Variants in KCNT2 observed in about 807,000 individuals in gnomAD.
The protein encoded by KCNT2 is potassium channel subfamily T member 2.
In KCNT2, 67 loss-of-function variants were observed where a neutral mutation model predicts 153.8. The ratio of observed to expected loss-of-function variants is 0.44; its 90% CI spans 0.36 to 0.53. The LOEUF (loss-of-function observed/expected upper bound fraction) is 0.53, where lower values mean the gene tolerates loss of function less well. Ranked by LOEUF, KCNT2 falls within the 20% of genes least tolerant of loss-of-function variation. The pLI, the probability that KCNT2 is intolerant of heterozygous loss-of-function variation, is 0.00. For synonymous variants in KCNT2, 500 were observed against 458.8 expected, an observed-to-expected ratio of 1.09 and a Z score of -1.15; for missense variants, 975 against 1,354.8, an observed-to-expected ratio of 0.72 and a Z score of 4.40.
intron 22 of KCNT2, among the ~76,000 whole-genome samples, chr1:196,289,493 A>T (rs116969408): frequency 0.05 from 7,548 of 152,050 alleles, 284 homozygotes; most frequent in Non-Finnish European, 0.071. Flanking sequence ...AAATAAATAA[A>T]TTTTTTCTAC....
intron 8 of KCNT2, among the ~76,000 whole-genome samples, chr1:196,448,537 T>G (rs1005541404): frequency 6.6e-6 from 1 of 151,756 alleles, no homozygotes; most frequent in East Asian, 2.0e-4. Flanking sequence ...TGCCCTCTAC[T>G]GTGTGGCCTG....
intron 8 of KCNT2, among the ~76,000 whole-genome samples, chr1:196,450,488 T>A (rs1463263776): frequency 6.6e-6 from 1 of 151,890 alleles, no homozygotes; most frequent in African/African-American, 2.4e-5. Context: ...CTTTCCAGAT[T>A]CCTTTCCAGA....
chr1:196,547,494 T>C (rs1034719143), intron 1 of KCNT2, among the ~76,000 whole-genome samples: 3 of 152,034 alleles, frequency 2.0e-5, no homozygotes, highest in Non-Finnish European at 2.9e-5. Context: ...CTAATAGCTC[T>C]TCTTGTAAAG....
chr1:196,570,657 T>C (rs559762440), intron 1 of KCNT2, among the ~76,000 whole-genome samples: 22 of 152,204 alleles, frequency 1.4e-4, no homozygotes, highest in Non-Finnish European at 2.6e-4. Context: ...ATTAGGGTGC[T>C]ATACAGAATA....
intron 8 of KCNT2, among the ~76,000 whole-genome samples, chr1:196,458,118 T>C (rs545714977): frequency 1.2e-4 from 19 of 152,006 alleles, no homozygotes; most frequent in African/African-American, 4.1e-4. Flanking sequence ...ATTTTGTTAA[T>C]ATATACAAAA....
chr1:196,467,054 G>T (rs944729842), intron 7 of KCNT2, among the ~76,000 whole-genome samples: 3 of 151,966 alleles, frequency 2.0e-5, no homozygotes, highest in Non-Finnish European at 4.4e-5. Context: ...CTCCCACATA[G>T]AATCTTAGGA....
At chr1:196,363,256 C>T (rs1667773126) in intron 14 of KCNT2, among the ~76,000 whole-genome samples, 1 of 152,034 alleles carries the variant, frequency 6.6e-6, no homozygotes, top group African/African-American at 2.4e-5. Flanking sequence ...TCCATCTTAG[C>T]CCATTAGGAC....
chr1:196,466,237 T>G (rs1295605022), intron 7 of KCNT2, among the ~76,000 whole-genome samples: 1 of 152,044 alleles, frequency 6.6e-6, no homozygotes, highest in Non-Finnish European at 1.5e-5. Context: ...ATAAGTTTAT[T>G]TTTTTCTGGT....
intron 19 of KCNT2, among the ~76,000 whole-genome samples, chr1:196,324,081 A>G (rs1188870272): frequency 6.6e-6 from 1 of 151,916 alleles, no homozygotes; most frequent in Non-Finnish European, 1.5e-5. Context: ...ATATTCGACA[A>G]TACTTTCGGG....
intron 8 of KCNT2, among the ~76,000 whole-genome samples, chr1:196,439,221 T>A (rs981534666): frequency 6.6e-6 from 1 of 152,080 alleles, no homozygotes; most frequent in East Asian, 1.9e-4. Flanking sequence ...TGCCGCAGAA[T>A]AAAAATCCTT....
intron 22 of KCNT2, among the ~76,000 whole-genome samples, chr1:196,303,971 T>C (rs1248670637): frequency 6.6e-6 from 1 of 152,168 alleles, no homozygotes; most frequent in African/African-American, 2.4e-5. Context: ...CAACGTGGCA[T>C]AGTGGAAATT....
chr1:196,370,338 C>A (rs1004499430), intron 14 of KCNT2, among the ~76,000 whole-genome samples: 6 of 152,078 alleles, frequency 3.9e-5, no homozygotes, highest in Non-Finnish European at 8.8e-5. Context: ...AGAATAAACT[C>A]TCTAAAAATA....
chr1:196,374,138 C>A (rs1477276663), intron 13 of KCNT2, among the ~76,000 whole-genome samples: 3 of 151,734 alleles, frequency 2.0e-5, no homozygotes, highest in Admixed American at 6.6e-5. Flanking sequence ...ACAAGTATAG[C>A]TGGTATTAAA....
chr1:196,384,707 C>CAAAAAAA (rs60975976), intron 13 of KCNT2, among the ~76,000 whole-genome samples: 2 of 75,500 alleles, frequency 2.6e-5, no homozygotes, highest in Admixed American at 1.5e-4. Context: ...ACCCCATCTC[C>CAAAAAAA]AAAAAAAAAA....
chr1:196,277,182 A>G (rs1658647766), intron 25 of KCNT2, among the ~76,000 whole-genome samples: 2 of 152,044 alleles, frequency 1.3e-5, no homozygotes, highest in Admixed American at 1.3e-4. Flanking sequence ...AACTTCCTGA[A>G]CTTCATATTA....
At chr1:196,602,769 T>C (rs897026856) in intron 1 of KCNT2, among the ~76,000 whole-genome samples, 4 of 97,494 alleles carry the variant, frequency 4.1e-5, no homozygotes, top group Non-Finnish European at 8.2e-5. Context: ...ATTCAAAGTC[T>C]ATTTTTTTTT....
intron 25 of KCNT2, among the ~76,000 whole-genome samples, chr1:196,276,285 T>C (rs980044727): frequency 3.3e-5 from 5 of 152,076 alleles, no homozygotes; most frequent in Non-Finnish European, 7.4e-5. Flanking sequence ...GTGGTTAGTA[T>C]TCATTTCCTG....
intron 1 of KCNT2, among the ~76,000 whole-genome samples, chr1:196,580,988 A>G (rs1356026148): frequency 6.6e-6 from 1 of 152,096 alleles, no homozygotes; most frequent in East Asian, 1.9e-4. Flanking sequence ...TACAATCATT[A>G]TTTTGGCAAG....
At chr1:196,473,686 A>G (rs978232398) in intron 5 of KCNT2, among the ~76,000 whole-genome samples, 1 of 152,180 alleles carries the variant, frequency 6.6e-6, no homozygotes, top group Non-Finnish European at 1.5e-5. Flanking sequence ...AAACTATGAG[A>G]TACATCCATA....
Sources: gnomAD v4.1 joint callset for allele counts (sites outside exome capture counted in the v4.1 genomes callset) on GRCh38, gnomAD v4.1.1 for gene constraint, MANE v1.5 for transcripts, NCBI Gene and HGNC (gene_info 2026-07-23, HGNC 2026-07-21) for gene names.